STK3: variants seen among roughly 807,000 people sequenced by gnomAD.
The protein encoded by STK3 is serine/threonine-protein kinase 3.
A neutral mutation model predicts 58.0 loss-of-function variants in STK3; 41 were observed. The observed-to-expected ratio is 0.71, with a 90% CI of 0.55 to 0.92. STK3 has a LOEUF of 0.92. STK3 is among the 40% of genes least tolerant of loss of function. The pLI is 0.00. For missense variants in STK3, 479 were observed against 602.7 expected, an observed-to-expected ratio of 0.79 and a Z score of 2.15; for synonymous variants, 170 against 191.0, an observed-to-expected ratio of 0.89 and a Z score of 0.91.
At chr8:98,464,540 TAAAA>T in intron 10 of STK3, among the ~76,000 whole-genome samples, 1 of 69,228 alleles carries the variant, frequency 1.4e-5, no homozygotes. Context: ...TACTTAAAGT[TAAAA>T]AAAAAAAAAA....
At chr8:98,359,299 A>G in the STK3 span, among the ~76,000 whole-genome samples, 2 of 147,126 alleles carry the variant, frequency 1.4e-5, no homozygotes, top group African/African-American at 5.0e-5. Context: ...CCTGAGGTCA[A>G]GAGTTTGAGA....
intron 3 of STK3, among the ~76,000 whole-genome samples, chr8:98,862,038 G>T (rs904730436): frequency 2.6e-5 from 4 of 152,116 alleles, no homozygotes; most frequent in Non-Finnish European, 5.9e-5. Flanking sequence ...CAAACCTGTG[G>T]CCCCAATTCA....
intron 6 of STK3, among the ~76,000 whole-genome samples, chr8:98,699,191 G>C (rs1167084969): frequency 4.6e-5 from 7 of 151,902 alleles, no homozygotes; most frequent in Non-Finnish European, 2.9e-5. Context: ...CGTAGTTCTC[G>C]AGCCTTGGCT....
At chr8:98,742,261 G>T (rs183300921) in intron 4 of STK3, among the ~76,000 whole-genome samples, 84 of 151,550 alleles carry the variant, frequency 5.5e-4, no homozygotes, top group Admixed American at 2.1e-3. Flanking sequence ...TACCAAAGCC[G>T]GGCAGAAACA....
chr8:98,839,834 A>C (rs1297522693), intron 3 of STK3, among the ~76,000 whole-genome samples: 1 of 152,194 alleles, frequency 6.6e-6, no homozygotes, highest in Non-Finnish European at 1.5e-5. Flanking sequence ...CCTTGCGAAT[A>C]AATCATCATC....
chr8:98,506,124 C>A (rs1274176818), intron 10 of STK3, among the ~76,000 whole-genome samples: 1 of 152,222 alleles, frequency 6.6e-6, no homozygotes, highest in African/African-American at 2.4e-5. Context: ...CCTCCCCCTG[C>A]CAGGTTGCTG....
chr8:98,413,560 C>T, intron 3 of STK3: 1 of 657,402 alleles, frequency 1.5e-6, no homozygotes, highest in Non-Finnish European at 2.9e-6. Context: ...AGGTCAGAGA[C>T]AGATGACAAC....
chr8:98,606,184 C>T (rs976057324), intron 6 of STK3: 2 of 152,156 alleles, frequency 1.3e-5, no homozygotes, highest in Admixed American at 6.5e-5. Context: ...CAGTATCAGG[C>T]TAGTATGATA....
intron 6 of STK3, chr8:98,597,937 C>T: frequency 1.0e-6 from 1 of 985,118 alleles, no homozygotes; most frequent in Non-Finnish European, 1.2e-6. Flanking sequence ...GAGGCAGAAC[C>T]TAATAAGGCT....
At chr8:98,663,929 C>T (rs115824760) in intron 6 of STK3, among the ~76,000 whole-genome samples, 1 of 152,150 alleles carries the variant, frequency 6.6e-6, no homozygotes, top group Admixed American at 6.5e-5. Context: ...AAAAATAGTA[C>T]CTTTTGTTCA....
intron 6 of STK3, among the ~76,000 whole-genome samples, chr8:98,643,182 G>A (rs1357876926): frequency 5.9e-5 from 9 of 152,152 alleles, no homozygotes; most frequent in Non-Finnish European, 1.3e-4. Flanking sequence ...AGACATGATT[G>A]CTCTCCACTG....
intron 9 of STK3, among the ~76,000 whole-genome samples, chr8:98,530,262 C>A (rs1290491203): frequency 6.6e-6 from 1 of 152,110 alleles, no homozygotes; most frequent in African/African-American, 2.4e-5. Context: ...TCATCACCCA[C>A]GTATTAAGCC....
At chr8:98,650,834 A>G (rs906220027) in intron 6 of STK3, among the ~76,000 whole-genome samples, 7 of 152,232 alleles carry the variant, frequency 4.6e-5, no homozygotes, top group Admixed American at 2.0e-4. Flanking sequence ...CAAAGCAGCC[A>G]GGAAGCTCCA....
intron 3 of STK3, among the ~76,000 whole-genome samples, chr8:98,847,505 C>A (rs1587742616): frequency 6.6e-6 from 1 of 152,226 alleles, no homozygotes; most frequent in East Asian, 1.9e-4. Context: ...ATACGCCTCG[C>A]TCTTGGTTTA....
downstream of STK3, among the ~76,000 whole-genome samples, chr8:98,453,409 T>C (rs1248746656): frequency 6.6e-6 from 1 of 152,172 alleles, no homozygotes; most frequent in Non-Finnish European, 1.5e-5. Context: ...TGGCTTGTGA[T>C]TCTTCAAAAC....
chr8:98,700,261 C>T (rs201980580), intron 6 of STK3, among the ~76,000 whole-genome samples: 1 of 152,184 alleles, frequency 6.6e-6, no homozygotes, highest in East Asian at 1.9e-4. Flanking sequence ...TTCCAGGTGC[C>T]GTCTGTCACC....
chr8:98,578,523 T>A (rs1813592828), intron 8 of STK3, among the ~76,000 whole-genome samples: 1 of 152,190 alleles, frequency 6.6e-6, no homozygotes, highest in South Asian at 2.1e-4. Flanking sequence ...TGGGCTACCA[T>A]GTGATAAAAG....
chr8:98,811,646 T>A (rs918386060), intron 1 of STK3, among the ~76,000 whole-genome samples: 3 of 152,092 alleles, frequency 2.0e-5, no homozygotes, highest in African/African-American at 7.2e-5. Context: ...TTTTCATCCT[T>A]TAGTCCTTCA....
chr8:98,451,442 G>A (rs1819195415), downstream of STK3, among the ~76,000 whole-genome samples: 1 of 152,156 alleles, frequency 6.6e-6, no homozygotes, highest in Non-Finnish European at 1.5e-5. Context: ...GGTCTTGAAT[G>A]CCAGGAGACA....
Sources: allele counts gnomAD v4.1 joint callset (sites outside exome capture counted in the v4.1 genomes callset), GRCh38; gene constraint gnomAD v4.1.1; transcripts MANE v1.5; gene names NCBI Gene and HGNC (gene_info 2026-07-23, HGNC 2026-07-21).